The following RERG variants were observed in gnomAD, a reference collection of about 807,000 sequenced individuals.
RERG encodes RAS like estrogen regulated growth inhibitor, also known as ras-related and estrogen-regulated growth inhibitor.
RERG carries 25 observed loss-of-function variants against 23.2 expected under a neutral mutation model. That is an observed-to-expected ratio of 1.08 (90% CI 0.79 to 1.50). The LOEUF (loss-of-function observed/expected upper bound fraction) is 1.50. Among genes scored for constraint, RERG ranks in the 40% most tolerant of loss-of-function variants. The probability of loss-of-function intolerance (pLI) is 0.00; values close to 1 mark genes in which losing one functional copy is unlikely to be tolerated. For missense variants in RERG, 253 were observed against 250.1 expected (o/e 1.01, Z -0.08); for synonymous variants, 81 against 89.1 (o/e 0.91, Z 0.51).
At chr12:15,160,113 CCA>C (rs1481269576) in intron 2 of RERG, among the ~76,000 whole-genome samples, 2 of 151,966 alleles carry the variant, frequency 1.3e-5, no homozygotes, top group East Asian at 3.8e-4. Context: ...GTACAGTTCT[CCA>C]CAGTTGAGCA....
At chr12:15,188,972 G>A (rs927374931) in intron 2 of RERG, among the ~76,000 whole-genome samples, 1 of 152,080 alleles carries the variant, frequency 6.6e-6, no homozygotes. Context: ...AAAACACAAG[G>A]TGTCCCATAT....
intron 2 of RERG, among the ~76,000 whole-genome samples, chr12:15,164,886 T>A (rs937542925): frequency 6.6e-6 from 1 of 152,222 alleles, no homozygotes; most frequent in Non-Finnish European, 1.5e-5. Flanking sequence ...AAGGGTATTA[T>A]TGAAGTTTTC....
chr12:15,137,460 T>C (rs189307745), intron 2 of RERG, among the ~76,000 whole-genome samples: 1 of 152,008 alleles, frequency 6.6e-6, no homozygotes, highest in African/African-American at 2.4e-5. Context: ...TTTTTGTCTT[T>C]TACTTTTTTC....
chr12:15,178,413 G>T (rs940671464), intron 2 of RERG, among the ~76,000 whole-genome samples: 1 of 152,112 alleles, frequency 6.6e-6, no homozygotes, highest in African/African-American at 2.4e-5. Flanking sequence ...TATGCAAAAG[G>T]TATCAGAAAT....
intron 2 of RERG, among the ~76,000 whole-genome samples, chr12:15,144,404 A>G (rs990433057): frequency 6.6e-6 from 1 of 152,212 alleles, no homozygotes; most frequent in Non-Finnish European, 1.5e-5. Context: ...CAGCATAGCT[A>G]TAGGAGTACC....
chr12:15,165,282 A>G (rs1864671081), intron 2 of RERG, among the ~76,000 whole-genome samples: 1 of 152,120 alleles, frequency 6.6e-6, no homozygotes, highest in African/African-American at 2.4e-5. Context: ...AGGAAACTAG[A>G]TTGGAACTCA....
At chr12:15,208,906 C>G (rs112031304) in intron 2 of RERG, among the ~76,000 whole-genome samples, 2,538 of 151,970 alleles carry the variant, frequency 0.017, 25 homozygotes, top group Non-Finnish European at 0.025. Flanking sequence ...TTGTCCTAAA[C>G]CCTCCTCTCC....
chr12:15,115,838 C>T (rs1222281274), intron 3 of RERG, among the ~76,000 whole-genome samples: 1 of 152,144 alleles, frequency 6.6e-6, no homozygotes, highest in African/African-American at 2.4e-5. Flanking sequence ...AATGCAGCTT[C>T]GCCAGCCATA....
intron 2 of RERG, among the ~76,000 whole-genome samples, chr12:15,131,592 T>C (rs1381508565): frequency 6.6e-6 from 1 of 152,156 alleles, no homozygotes. Context: ...ACCGAAAACA[T>C]TTGGACTTTA....
chr12:15,174,058 C>A (rs910555296), intron 2 of RERG, among the ~76,000 whole-genome samples: 2 of 151,944 alleles, frequency 1.3e-5, no homozygotes, highest in African/African-American at 4.8e-5. Context: ...TTCATCCTTT[C>A]AATTCTGTAT....
At chr12:15,115,635 A>G (rs533935666) in intron 3 of RERG, among the ~76,000 whole-genome samples, 90 of 152,262 alleles carry the variant, frequency 5.9e-4, no homozygotes, top group South Asian at 1.0e-3. Flanking sequence ...CCAACCAACC[A>G]ACCAACACAA....
intron 2 of RERG, among the ~76,000 whole-genome samples, chr12:15,206,359 T>G (rs186315554): frequency 4.6e-5 from 7 of 152,254 alleles, no homozygotes; most frequent in Admixed American, 4.6e-4. Context: ...CTCCTTGTTT[T>G]ATTACTATAG....
intron 2 of RERG, among the ~76,000 whole-genome samples, chr12:15,122,114 A>C (rs1863843452): frequency 6.6e-6 from 1 of 151,978 alleles, no homozygotes; most frequent in Non-Finnish European, 1.5e-5. Flanking sequence ...AAATATACAT[A>C]CACACATTTG....
rs183609466 is a variant in RERG, at chr12:15,188,796, A to G, written c.61+28633T>C. 1.6e-3 allele frequency among the ~76,000 whole-genome samples: 237 copies of G among 152,290 alleles called. 2 individuals are homozygous for G. The South Asian group carries it at 0.023, about 15-fold the overall frequency. Reference sequence around the variant, plus strand: ...AATTATAGTCCTTAGAGATAAGTAAATATGCTACTTGGAGAAAGGATGAAA... The same window carrying G: ...AATTATAGTCCTTAGAGATAAGTAAGTATGCTACTTGGAGAAAGGATGAAA... On this transcript the variant is annotated intron_variant, in intron 2 of 4. Transcript: ENST00000256953.
chr12:15,184,401 G>A (rs1424141269), intron 2 of RERG, among the ~76,000 whole-genome samples: 1 of 151,578 alleles, frequency 6.6e-6, no homozygotes, highest in African/African-American at 2.4e-5. Flanking sequence ...GATGTATTCT[G>A]CTTTTCTAAA....
At chr12:15,145,543 TGA>T (rs1864317938) in intron 2 of RERG, among the ~76,000 whole-genome samples, 1 of 152,214 alleles carries the variant, frequency 6.6e-6, no homozygotes, top group African/African-American at 2.4e-5. Flanking sequence ...TCCCTGGCTC[TGA>T]GAGTGTCGCA....
At chr12:15,166,543 A>AGTGGTGTTGGTGGTGGTGTTGGTG (rs952321692) in intron 2 of RERG, among the ~76,000 whole-genome samples, 1 of 113,786 alleles carries the variant, frequency 8.8e-6, no homozygotes, top group Non-Finnish European at 2.1e-5. Flanking sequence ...TGGTGGTGGT[A>AGTGGTGTTGGTGGTGGTGTTGGTG]GTGGTGTTGG....
intron 2 of RERG, among the ~76,000 whole-genome samples, chr12:15,127,270 C>T (rs10846145): frequency 0.67 from 101,379 of 151,576 alleles, 33,990 homozygotes; most frequent in Admixed American, 0.75. Context: ...TAGCACTTGA[C>T]ACATATGTGC....
At chr12:15,184,192 T>C (rs73065448) in intron 2 of RERG, among the ~76,000 whole-genome samples, 3,280 of 152,294 alleles carry the variant, frequency 0.022, 47 homozygotes, top group Middle Eastern at 0.034. Context: ...AAGAAAATAT[T>C]CAAACTTCTA....
Sources: gnomAD v4.1 joint callset for allele counts (sites outside exome capture counted in the v4.1 genomes callset) on GRCh38, gnomAD v4.1.1 for gene constraint, MANE v1.5 for transcripts, NCBI Gene and HGNC (gene_info 2026-07-23, HGNC 2026-07-21) for gene names.